The following STK39 variants were observed in gnomAD, a reference collection of about 807,000 sequenced individuals.
STK39 encodes the protein STE20/SPS1-related proline-alanine-rich protein kinase.
In STK39, 20 loss-of-function variants were observed where a neutral mutation model predicts 77.8. The ratio of observed to expected loss-of-function variants is 0.26; its 90% CI spans 0.18 to 0.37. The LOEUF (loss-of-function observed/expected upper bound fraction) is 0.37, where lower values mean the gene tolerates loss of function less well. STK39 is among the 10% of genes least tolerant of loss of function. The pLI is 1.00. For missense variants in STK39, 479 were observed against 656.5 expected (o/e 0.73, Z 2.95); for synonymous variants, 246 against 234.1 (o/e 1.05, Z -0.47).
At chr2:168,013,793 GGTGTGTGTGTGTGTGTGTGTGTGT>G (rs4000936) in intron 15 of STK39, among the ~76,000 whole-genome samples, 9 of 147,600 alleles carry the variant, frequency 6.1e-5, no homozygotes, top group Non-Finnish European at 1.0e-4. Context: ...TAAGTGGGCT[GGTGTGTGTGTGTGTGTGTGTGTGT>G]GTGTGTGTGT....
chr2:168,005,135 A>G (rs543264416), intron 16 of STK39, among the ~76,000 whole-genome samples: 166 of 150,980 alleles, frequency 1.1e-3, no homozygotes, highest in African/African-American at 3.9e-3. Context: ...CCTCCTGAGT[A>G]GCTGGGATTA....
intron 8 of STK39, among the ~76,000 whole-genome samples, chr2:168,134,053 C>T (rs1199027983): frequency 6.6e-6 from 1 of 152,154 alleles, no homozygotes; most frequent in Non-Finnish European, 1.5e-5. Flanking sequence ...CTGAGTACTA[C>T]AGAAGAAAAT....
intron 1 of STK39, among the ~76,000 whole-genome samples, chr2:168,213,920 G>T (rs1689958379): frequency 6.6e-6 from 1 of 152,034 alleles, no homozygotes; most frequent in Non-Finnish European, 1.5e-5. Context: ...TCCATCAAAG[G>T]CTAAGTAGTT....
chr2:168,079,878 T>C lies in STK39; in HGVS notation c.1090-4647A>G, dbSNP rs576739999. ...ATAGTAGCTTGTGAGCTGAGAATGA[T>C]TGTACTGCCCCATTTTTCAGAGGTA... On this transcript the variant is annotated intron_variant, in intron 10 of 17. Transcript: ENST00000355999. 2.7e-4 allele frequency among the ~76,000 whole-genome samples: 41 copies of C among 152,316 alleles called. 1 individual carries two copies. The highest frequency in any genetic ancestry group is 5.0e-4 in the Non-Finnish European group (34 of 68,022).
intron 1 of STK39, among the ~76,000 whole-genome samples, chr2:168,231,499 G>A (rs964906046): frequency 6.6e-6 from 1 of 151,734 alleles, no homozygotes; most frequent in African/African-American, 2.4e-5. Flanking sequence ...ACCACACACC[G>A]AAGGTTCCTC....
chr2:168,164,286 A>G (rs1036130504), intron 3 of STK39, among the ~76,000 whole-genome samples: 1 of 152,172 alleles, frequency 6.6e-6, no homozygotes, highest in African/African-American at 2.4e-5. Flanking sequence ...GAAAAAAAAC[A>G]CACTCTTTGA....
chr2:168,074,853 A>G, intron 12 of STK39, 129 bp downstream of exon 12: 1 of 1,067,482 alleles, frequency 9.4e-7, no homozygotes, highest in Non-Finnish European at 1.3e-6. Context: ...GGAGCTGCAA[A>G]GTCCTCGTGC....
In STK39 at chr2:168,017,067, G is replaced by A. The variant is rs753362711; in HGVS notation, c.1405C>T (p.Arg469Ter). The change falls in exon 15 of 18, where the codon CGA becomes TGA. Residue 469 changes from arginine (R) to a stop codon, truncating the protein, a stop_gained. Coordinates refer to ENST00000355999, the MANE Select transcript of STK39 (RefSeq NM_013233.3). LOFTEE classifies it high-confidence loss of function. ...RNSRKELNDI[R>*]FEFTPGRDTA... ...CCTCTTCCTGGAGTAAACTCAAATC[G>A]TATGTCATTAAGTTCCTTTCTGGAG... 3 of 1,605,864 alleles carry A rather than the reference G, an allele frequency of 1.9e-6. No homozygotes were observed. Among genetic ancestry groups the A allele is most frequent in the Non-Finnish European group, 2.6e-6 (3 of 1,175,928 alleles).
rs562831090 is a variant in STK39, at chr2:167,971,637, G to A, written c.1499-6911C>T. ...GCTCTTACTAAAGGTAACTTACTGC[G>A]GAATGTTCTGAATAAACAGCAATGC... On this transcript the variant is annotated intron_variant, in intron 16 of 17. Transcript: ENST00000355999. 1.8e-4 allele frequency among the ~76,000 whole-genome samples: 27 copies of A among 152,214 alleles called. 1 individual carries two copies. Among genetic ancestry groups the A allele is most frequent in the Middle Eastern group, 3.4e-3 (1 of 294 alleles).
chr2:168,002,262 A>T (rs1684020719), intron 16 of STK39, among the ~76,000 whole-genome samples: 2 of 152,362 alleles, frequency 1.3e-5, no homozygotes, highest in African/African-American at 4.8e-5. Context: ...AGTGTGGTTT[A>T]CTGCTGCAAT....
At chr2:168,124,464 G>A (rs941655060) in intron 10 of STK39, among the ~76,000 whole-genome samples, 3 of 152,052 alleles carry the variant, frequency 2.0e-5, no homozygotes, top group Non-Finnish European at 2.9e-5. Context: ...GCAGTGTCAC[G>A]ATCCTGGCTC....
chr2:168,183,847 G>A (rs1032864862), intron 1 of STK39, among the ~76,000 whole-genome samples: 1 of 152,182 alleles, frequency 6.6e-6, no homozygotes, highest in African/African-American at 2.4e-5. Flanking sequence ...AGATGGCAGA[G>A]CCAAACAATA....
intron 16 of STK39, among the ~76,000 whole-genome samples, chr2:167,972,079 T>C (rs1459349343): frequency 6.6e-6 from 1 of 152,230 alleles, no homozygotes; most frequent in Non-Finnish European, 1.5e-5. Flanking sequence ...TCCTTTATGA[T>C]GTGGCTTGGC....
intron 16 of STK39, among the ~76,000 whole-genome samples, chr2:168,002,230 T>G (rs1465112068): frequency 1.3e-5 from 2 of 152,216 alleles, no homozygotes; most frequent in African/African-American, 4.8e-5. Flanking sequence ...GTAACAAAGT[T>G]AATTAGAAAA....
At chr2:168,040,360 C>G (rs571075917) in intron 14 of STK39, among the ~76,000 whole-genome samples, 2 of 152,134 alleles carry the variant, frequency 1.3e-5, no homozygotes, top group Admixed American at 1.3e-4. Flanking sequence ...AAATATAAAC[C>G]CTTAAGTTGA....
intron 14 of STK39, among the ~76,000 whole-genome samples, chr2:168,047,177 A>T (rs1685267069): frequency 6.6e-6 from 1 of 152,254 alleles, no homozygotes; most frequent in African/African-American, 2.4e-5. Context: ...CTTCTTAGCT[A>T]CTTGGATATT....
chr2:168,011,589 C>G (rs1684272705), intron 16 of STK39, among the ~76,000 whole-genome samples: 2 of 152,130 alleles, frequency 1.3e-5, no homozygotes, highest in African/African-American at 4.8e-5. Context: ...CTAGGTGGAA[C>G]CAGGCTACAC....
At chr2:168,235,787 T>C (rs1233934454) in intron 1 of STK39, among the ~76,000 whole-genome samples, 1 of 152,102 alleles carries the variant, frequency 6.6e-6, no homozygotes, top group African/African-American at 2.4e-5. Context: ...CATGAACTCA[T>C]CCTTTTTTAT....
At chr2:168,236,773 A>T (rs1326848425) in intron 1 of STK39, among the ~76,000 whole-genome samples, 5 of 151,974 alleles carry the variant, frequency 3.3e-5, no homozygotes, top group Non-Finnish European at 5.9e-5. Context: ...ATGCGGCATT[A>T]TTTCTGAGGG....
Sources: allele counts gnomAD v4.1 joint callset (sites outside exome capture counted in the v4.1 genomes callset), GRCh38; gene constraint gnomAD v4.1.1; transcripts MANE v1.5; gene names NCBI Gene and HGNC (gene_info 2026-07-23, HGNC 2026-07-21).